The following ZNF136 variants were observed in gnomAD, a reference collection of about 807,000 sequenced individuals.
ZNF136 encodes zinc finger protein 136, also known as zinc finger protein 136 (clone pHZ-20).
In ZNF136, 8 loss-of-function variants were observed where a neutral mutation model predicts 11.4. The observed-to-expected ratio is 0.70, with a 90% CI of 0.41 to 1.27. The LOEUF is 1.27. Ranked by LOEUF, ZNF136 falls within the 50% of genes most tolerant of loss-of-function variation. ZNF136 has a pLI of 0.01. For synonymous variants in ZNF136, 190 were observed against 207.1 expected, an observed-to-expected ratio of 0.92 and a Z score of 0.71; for missense variants, 590 against 656.5, an observed-to-expected ratio of 0.90 and a Z score of 1.11.
rs1047515066 is a variant in ZNF136 at position 12,185,700 on chromosome 19, A to T, written c.4-85A>T. On this transcript the variant is annotated intron_variant, in intron 1 of 3. Coordinates refer to ENST00000343979, the MANE Select transcript of ZNF136 (RefSeq NM_003437.5). ...GTAAATGTTTGCAGACCCCTGAAAC[A>T]TGTGAACTTCTTATGAATTGAGTAC... 5 of 1,525,656 alleles carry T rather than the reference A, an allele frequency of 3.3e-6. No individual in the cohort carries two copies. The African/African-American group carries it at 4.2e-5, about 13-fold the overall frequency. 94.5% of individuals were successfully genotyped at this position (1,525,656 alleles called of 1,614,324 possible).
intron 1 of ZNF136, among the ~76,000 whole-genome samples, chr19:12,171,935 G>T: frequency 6.7e-6 from 1 of 149,934 alleles, no homozygotes. Flanking sequence ...ATGAAAGTTT[G>T]CTACTTTTTA....
At position 12,163,101 on chromosome 19, in the gene ZNF136, TC is replaced by T; in HGVS notation, c.-100del. 7.7e-7 allele frequency: 1 copy of T among 1,298,364 alleles called. No individual in the cohort carries two copies. Among genetic ancestry groups the T allele is most frequent in the Non-Finnish European group, 1.0e-6 (1 of 996,540 alleles). 80.4% of individuals were successfully genotyped at this position (1,298,364 alleles called of 1,614,324 possible). A position where few individuals can be genotyped will look rare whatever the true frequency, so the allele number is the denominator to read the frequency against. On this transcript the variant is annotated 5_prime_UTR_variant, in exon 1 of 4. Transcript: ENST00000343979. ...GCCGTACTTGGTTTCGCTTCGCTAGTCCCAGAGGCCCAGAGTGGCTCGCCTG... is the reference window on the plus strand; with the variant it reads ...GCCGTACTTGGTTTCGCTTCGCTAGTCCAGAGGCCCAGAGTGGCTCGCCTG...
intron 1 of ZNF136, among the ~76,000 whole-genome samples, chr19:12,181,511 C>T (rs189150885): frequency 7.2e-4 from 108 of 149,254 alleles, no homozygotes; most frequent in Non-Finnish European, 1.3e-3. Context: ...CTCATTCTGT[C>T]GCCGAGGCTG....
chr19:12,180,957 A>T (rs1914924213), intron 1 of ZNF136, among the ~76,000 whole-genome samples: 1 of 152,234 alleles, frequency 6.6e-6, no homozygotes, highest in African/African-American at 2.4e-5. Flanking sequence ...GCCTGAAGTT[A>T]TATCCAGTTA....
chr19:12,180,026 C>T (rs538794529), intron 1 of ZNF136, among the ~76,000 whole-genome samples: 6 of 152,162 alleles, frequency 3.9e-5, no homozygotes, highest in East Asian at 1.9e-4. Context: ...CCACCACACC[C>T]GGCTAATTTT....
chr19:12,189,031 A>AAGTAATC lies in ZNF136; in HGVS notation c.*1031_*1037dup, dbSNP rs772264325. On this transcript the variant is annotated 3_prime_UTR_variant, in exon 4 of 4. Coordinates refer to ENST00000343979, the MANE Select transcript of ZNF136 (RefSeq NM_003437.5). ...AAATGTTAAATTGATATAATCCTGT[A>AAGTAATC]AGTAATCTGAAAGCAATAGTGCATG... is the stretch of plus-strand genomic sequence containing the variant. 13 of 152,204 alleles carry AAGTAATC rather than the reference A, an allele frequency of 8.5e-5. No homozygotes were observed. The highest frequency in any genetic ancestry group is 1.8e-4 in the Non-Finnish European group (12 of 68,028). The allele number at this position is 152,204 out of a possible 1,614,324, so 9.4% of individuals were successfully genotyped here. A position where few individuals can be genotyped will look rare whatever the true frequency, so the allele number is the denominator to read the frequency against.
intron 1 of ZNF136, among the ~76,000 whole-genome samples, chr19:12,176,680 G>A (rs180976680): frequency 8.5e-5 from 13 of 152,256 alleles, no homozygotes; most frequent in East Asian, 7.7e-4. Flanking sequence ...TGGGTGCTGC[G>A]TTAAACAGAG....
chr19:12,174,152 G>A (rs547452325), intron 1 of ZNF136, among the ~76,000 whole-genome samples: 22 of 152,218 alleles, frequency 1.4e-4, no homozygotes, highest in South Asian at 4.1e-4. Context: ...TGATCTGCCC[G>A]CCTCGGCCTC....
intron 1 of ZNF136, among the ~76,000 whole-genome samples, chr19:12,175,568 C>T (rs1439413973): frequency 2.0e-5 from 3 of 152,130 alleles, no homozygotes; most frequent in Non-Finnish European, 4.4e-5. Flanking sequence ...CCCTTATGCC[C>T]CCTATTCCCA....
chr19:12,166,158 G>A (rs1470178562), intron 1 of ZNF136, among the ~76,000 whole-genome samples: 1 of 152,030 alleles, frequency 6.6e-6, no homozygotes, highest in African/African-American at 2.4e-5. Context: ...AACCCAGGAA[G>A]TGGAAGTTGC....
At chr19:12,183,527 C>T (rs1028310412) in intron 1 of ZNF136, among the ~76,000 whole-genome samples, 1 of 151,916 alleles carries the variant, frequency 6.6e-6, no homozygotes, top group African/African-American at 2.4e-5. Context: ...AATCACTCTT[C>T]ATTATGGCTT....
chr19:12,176,491 T>C (rs1914797633), intron 1 of ZNF136, among the ~76,000 whole-genome samples: 1 of 152,054 alleles, frequency 6.6e-6, no homozygotes, highest in Admixed American at 6.6e-5. Context: ...CACACCCAGC[T>C]AATTTTTGTA....
At chr19:12,163,298 G>T in intron 1 of ZNF136, 92 bp downstream of exon 1, 1 of 1,311,772 alleles carries the variant, frequency 7.6e-7, no homozygotes, top group African/African-American at 1.5e-5. Context: ...CCTTCCCGTG[G>T]GCGACTCTGG....
At chr19:12,168,789 C>A (rs1914558648) in intron 1 of ZNF136, among the ~76,000 whole-genome samples, 1 of 152,048 alleles carries the variant, frequency 6.6e-6, no homozygotes, top group African/African-American at 2.4e-5. Context: ...GATTCTCCTG[C>A]CTCAGCCGCC....
rs370610762 is a variant in ZNF136 at position 12,179,089 on chromosome 19, A to G, written c.4-6696A>G. Among the ~76,000 whole-genome samples, 4 of 152,014 alleles carry G rather than the reference A, an allele frequency of 2.6e-5. No homozygotes were observed. In the South Asian group the frequency reaches 8.3e-4, roughly 32 times the overall value. The stretch of plus-strand genomic sequence containing the variant: ...GTGTGTTTTTTTCACATAAATTTTC[A>G]TTTTCATGCTCATGTAGTCACAGTT... On this transcript the variant is annotated intron_variant, in intron 1 of 3. Coordinates refer to ENST00000343979, the MANE Select transcript of ZNF136 (RefSeq NM_003437.5).
chr19:12,186,725 C>T lies in ZNF136; in HGVS notation c.347C>T (p.Ser116Phe). 2 of 1,614,074 alleles carry T rather than the reference C, an allele frequency of 1.2e-6. No individual in the cohort carries two copies. The highest frequency in any genetic ancestry group is 1.7e-6 in the Non-Finnish European group (2 of 1,180,004). Residue 116 changes from serine (S) to phenylalanine (F), a missense_variant, in exon 4 of 4, where the codon TCC (serine) becomes TTC (phenylalanine). Physicochemically the swap from Ser to Phe is radical, Grantham distance 155. Transcript: ENST00000343979. The part of the protein sequence containing the change: ...VYGEVSMGQS[S>F]LNRHIKDHSG... ...GGAGAAGTCAGCATGGGTCAGTCAT[C>T]CCTTAATAGACACATCAAAGATCAC... is the stretch of plus-strand genomic sequence containing the variant.
chr19:12,181,651 G>T (rs1474576330), intron 1 of ZNF136, among the ~76,000 whole-genome samples: 1 of 150,972 alleles, frequency 6.6e-6, no homozygotes, highest in African/African-American at 2.4e-5. Context: ...TTTTTTTGGG[G>T]GGGGACAGAG....
Position 12,186,654 on chromosome 19 carries a change from G to A in ZNF136, c.276G>A (p.Leu92=). The A allele has an allele frequency of 3.1e-6, 5 of 1,614,110 alleles. No individual in the cohort carries two copies. Among genetic ancestry groups the A allele is most frequent in the Non-Finnish European group, 4.2e-6 (5 of 1,179,990 alleles). The change falls in exon 4 of 4, where the codon CTG becomes CTA. Residue 92 remains leucine (L), a synonymous_variant. Coordinates refer to ENST00000343979, the MANE Select transcript of ZNF136 (RefSeq NM_003437.5). ...GIFSQFANQN[L]SKKIPGVKLC... is the part of the protein sequence containing the mutation. ...TTAGCCAGTTTGCAAATCAGAATCT[G>A]AGCAAGAAAATCCCTGGAGTGAAAC...
In ZNF136 at chr19:12,175,297, C is replaced by T. The variant is rs184826817; in HGVS notation, c.4-10488C>T. On this transcript the variant is annotated intron_variant, in intron 1 of 3. Transcript: ENST00000343979. ...GCAACCTCCACCTCCTGGGCTGAAA[C>T]GATTCTCCTGCCTCAGCTTCCTGAG... is the stretch of plus-strand genomic sequence containing the variant. Among the ~76,000 whole-genome samples, 39 of 151,956 alleles carry T rather than the reference C, an allele frequency of 2.6e-4. No individual in the cohort carries two copies. In the East Asian group the frequency reaches 5.0e-3, roughly 20 times the overall value.
Sources: allele counts gnomAD v4.1 joint callset (sites outside exome capture counted in the v4.1 genomes callset), GRCh38; gene constraint gnomAD v4.1.1; transcripts MANE v1.5; gene names NCBI Gene and HGNC (gene_info 2026-07-23, HGNC 2026-07-21).